The following SLC39A12 variants were observed in gnomAD, a reference collection of about 807,000 sequenced individuals.
SLC39A12 encodes solute carrier family 39 member 12.
A neutral mutation model predicts 71.1 loss-of-function variants in SLC39A12; 63 were observed. The ratio of observed to expected loss-of-function variants is 0.89; its 90% CI spans 0.72 to 1.09. The LOEUF (loss-of-function observed/expected upper bound fraction) is 1.09. Ranked by LOEUF, SLC39A12 falls within the 50% of genes least tolerant of loss-of-function variation. SLC39A12 has a pLI of 0.00. For synonymous variants in SLC39A12, 351 were observed against 301.3 expected, an observed-to-expected ratio of 1.16 and a Z score of -1.71; for missense variants, 892 against 812.6, an observed-to-expected ratio of 1.10 and a Z score of -1.19.
rs184088618 is a variant in SLC39A12 at position 17,976,845 on chromosome 10, A to G, written c.752-1057A>G. Among the ~76,000 whole-genome samples, 226 of 152,314 alleles carry G rather than the reference A, an allele frequency of 1.5e-3. 2 individuals are homozygous for G. The highest frequency in any genetic ancestry group is 6.5e-4 in the Non-Finnish European group (44 of 68,028). On this transcript the variant is annotated intron_variant, in intron 4 of 12. Transcript: ENST00000377369. ...TGAACACGTATGTTCAGGCTTTTAC[A>G]TCAGATTTTGAAAGTTTTGGCCATT...
At chr10:17,981,793 A>G (rs11011857) in intron 6 of SLC39A12, among the ~76,000 whole-genome samples, 2 of 152,062 alleles carry the variant, frequency 1.3e-5, no homozygotes, top group African/African-American at 4.8e-5. Flanking sequence ...ACTACTCTTC[A>G]ATGAATATTT....
chr10:17,984,229 G>C (rs1835345936), intron 6 of SLC39A12, among the ~76,000 whole-genome samples: 1 of 152,240 alleles, frequency 6.6e-6, no homozygotes, highest in Non-Finnish European at 1.5e-5. Context: ...ATATTTTATG[G>C]TTTTGAGGCT....
At chr10:17,958,768 C>T (rs151270142) in intron 2 of SLC39A12, among the ~76,000 whole-genome samples, 24 of 152,258 alleles carry the variant, frequency 1.6e-4, no homozygotes, top group African/African-American at 5.8e-4. Context: ...ATACCGTACA[C>T]AAATGTATCC....
At chr10:17,952,681 G>T (rs1366583372) in intron 1 of SLC39A12, among the ~76,000 whole-genome samples, 4 of 151,788 alleles carry the variant, frequency 2.6e-5, no homozygotes, top group Non-Finnish European at 2.9e-5. Context: ...AGAGACGGGG[G>T]TGTCACCATA....
At chr10:18,029,013 C>T (rs1424992523) in intron 12 of SLC39A12, among the ~76,000 whole-genome samples, 1 of 152,078 alleles carries the variant, frequency 6.6e-6, no homozygotes, top group Non-Finnish European at 1.5e-5. Context: ...AGCCACCACG[C>T]CCCACCAAAA....
intron 2 of SLC39A12, among the ~76,000 whole-genome samples, chr10:17,955,582 C>G (rs1834519816): frequency 6.6e-6 from 1 of 152,150 alleles, no homozygotes; most frequent in Non-Finnish European, 1.5e-5. Context: ...AGGGTTCATG[C>G]TACAAATTCT....
chr10:18,014,003 A>T (rs943099120), intron 12 of SLC39A12, among the ~76,000 whole-genome samples: 4 of 152,182 alleles, frequency 2.6e-5, no homozygotes, highest in African/African-American at 9.6e-5. Context: ...TTTTAAAAAA[A>T]GTGATTGGGA....
rs186719575 is a variant in SLC39A12 at position 17,956,417 on chromosome 10, T to C, written c.261+2880T>C. 5.3e-4 allele frequency among the ~76,000 whole-genome samples: 78 copies of C among 147,116 alleles called. 1 individual carries two copies. Among genetic ancestry groups the C allele is most frequent in the African/African-American group, 2.1e-3 (76 of 36,972 alleles). Reference sequence around the variant, plus strand: ...ATCAGATCTCTGAGGATCTCATGGATATACATGTTCTCCTTAGGAATCAGA... The same window carrying C: ...ATCAGATCTCTGAGGATCTCATGGACATACATGTTCTCCTTAGGAATCAGA... On this transcript the variant is annotated intron_variant, in intron 2 of 12. Transcript: ENST00000377369.
At chr10:17,995,826 G>A in intron 10 of SLC39A12, 104 bp downstream of exon 10, 3 of 985,924 alleles carry the variant, frequency 3.0e-6, no homozygotes, top group Non-Finnish European at 4.4e-6. Flanking sequence ...TATTGGGTAT[G>A]TAGTTTATTA....
Position 17,953,176 on chromosome 10 carries a change from T to C in SLC39A12, c.-86-15T>C. ...GCACAATAATTGAAGGCTTTATTTT[T>C]CCCCTTTACCACAGAAATTCCTTTG... is the stretch of plus-strand genomic sequence containing the variant. On this transcript the variant is annotated splice_polypyrimidine_tract_variant and intron_variant, in intron 1 of 12. Transcript: ENST00000377369. The C allele has an allele frequency of 7.1e-7, 1 of 1,416,042 alleles. No homozygotes were observed. Among genetic ancestry groups the C allele is most frequent in the East Asian group, 2.3e-5 (1 of 43,628 alleles). 87.7% of individuals were successfully genotyped at this position (1,416,042 alleles called of 1,614,324 possible).
chr10:18,004,283 G>A (rs922541426), intron 12 of SLC39A12: 3 of 152,116 alleles, frequency 2.0e-5, no homozygotes, highest in African/African-American at 7.2e-5. Context: ...CTGAAATCAG[G>A]CTGTGTAAAA....
chr10:17,954,877 A>G (rs1554847601), intron 2 of SLC39A12, among the ~76,000 whole-genome samples: 1 of 152,212 alleles, frequency 6.6e-6, no homozygotes, highest in African/African-American at 2.4e-5. Context: ...TTTTCATAAC[A>G]GAAGAGTTCT....
At chr10:18,000,612 G>A (rs1344328541) in intron 10 of SLC39A12, 55 bp from the exon 11 acceptor site, 52 of 1,559,150 alleles carry the variant, frequency 3.3e-5, no homozygotes, top group Middle Eastern at 1.7e-4. Context: ...TGAAGGATTT[G>A]GTGAAATATG....
chr10:17,964,765 G>C (rs1834779850), intron 3 of SLC39A12, among the ~76,000 whole-genome samples: 1 of 152,200 alleles, frequency 6.6e-6, no homozygotes, highest in South Asian at 2.1e-4. Flanking sequence ...CAAGGCAGCA[G>C]AGCCTGTGTG....
At chr10:18,037,606 G>A (rs1589262040) in intron 12 of SLC39A12, among the ~76,000 whole-genome samples, 1 of 146,824 alleles carries the variant, frequency 6.8e-6, no homozygotes, top group Non-Finnish European at 1.5e-5. Context: ...TAAAAGGGGG[G>A]AAATATATAT....
At chr10:17,984,989 T>G (rs187673840) in intron 6 of SLC39A12, among the ~76,000 whole-genome samples, 245 of 152,322 alleles carry the variant, frequency 1.6e-3, no homozygotes, top group Non-Finnish European at 2.9e-3. Context: ...ATTTAGAACT[T>G]ACGTTTCAGT....
intron 12 of SLC39A12, among the ~76,000 whole-genome samples, chr10:18,020,295 A>G (rs1326675379): frequency 2.0e-5 from 3 of 151,960 alleles, no homozygotes; most frequent in African/African-American, 7.2e-5. Context: ...CAAAAGGTGC[A>G]ATCTTTTCTT....
chr10:17,967,842 C>T (rs1290774461), intron 4 of SLC39A12, among the ~76,000 whole-genome samples: 1 of 150,398 alleles, frequency 6.6e-6, no homozygotes, highest in East Asian at 1.9e-4. Context: ...AGCTGAGTTC[C>T]CGCCACTGTA....
At chr10:18,036,583 G>A (rs571937011) in intron 12 of SLC39A12, among the ~76,000 whole-genome samples, 4 of 151,652 alleles carry the variant, frequency 2.6e-5, no homozygotes, top group Non-Finnish European at 4.4e-5. Context: ...AGTACCTCAG[G>A]TGGAAATGCA....
Sources: allele counts gnomAD v4.1 joint callset (sites outside exome capture counted in the v4.1 genomes callset), GRCh38; gene constraint gnomAD v4.1.1; transcripts MANE v1.5; gene names NCBI Gene and HGNC (gene_info 2026-07-23, HGNC 2026-07-21).